The following CAPS2 variants were observed in gnomAD, a reference collection of about 807,000 sequenced individuals.
CAPS2 encodes calcyphosin-2.
A neutral mutation model predicts 86.5 loss-of-function variants in CAPS2; 98 were observed. The ratio of observed to expected loss-of-function variants is 1.13; its 90% CI spans 0.96 to 1.34. The LOEUF is 1.34. Among genes scored for constraint, CAPS2 ranks in the 40% most tolerant of loss-of-function variants. The pLI is 0.00. For synonymous variants in CAPS2, 210 were observed against 225.1 expected, an observed-to-expected ratio of 0.93 and a Z score of 0.60; for missense variants, 729 against 686.8, an observed-to-expected ratio of 1.06 and a Z score of -0.69.
downstream of CAPS2, chr12:75,276,436 C>T: frequency 1.0e-6 from 1 of 981,134 alleles, no homozygotes; most frequent in Non-Finnish European, 1.2e-6. Flanking sequence ...AAGATATGAT[C>T]TACAGCTGTA....
At chr12:75,371,854 G>A (rs1480102369) in intron 1 of CAPS2, among the ~76,000 whole-genome samples, 2 of 152,190 alleles carry the variant, frequency 1.3e-5, no homozygotes, top group East Asian at 1.9e-4. Flanking sequence ...TCTGCAACTG[G>A]TCACGTGGTT....
At chr12:75,358,717 TATATA>T (rs201071454) in intron 1 of CAPS2, among the ~76,000 whole-genome samples, 1,980 of 139,814 alleles carry the variant, frequency 0.014, 27 homozygotes, top group East Asian at 0.02. Flanking sequence ...TTAAACCATA[TATATA>T]ATATATTATA....
At chr12:75,339,825 C>T (rs1421409014) in intron 1 of CAPS2, among the ~76,000 whole-genome samples, 7 of 152,168 alleles carry the variant, frequency 4.6e-5, no homozygotes, top group South Asian at 2.1e-4. Context: ...GTTCTCCCAG[C>T]GGAAAAGTTA....
At chr12:75,343,604 T>G (rs2042258193) in intron 1 of CAPS2, 5 of 1,006,432 alleles carry the variant, frequency 5.0e-6, no homozygotes, top group African/African-American at 1.6e-5. Context: ...AATAATAAAT[T>G]TAAGCAAAAC....
intron 11 of CAPS2, among the ~76,000 whole-genome samples, chr12:75,296,333 C>G (rs907291466): frequency 1.3e-5 from 2 of 151,880 alleles, no homozygotes; most frequent in African/African-American, 4.8e-5. Context: ...GCTCTGTCAC[C>G]CAGGTTGGAG....
At chr12:75,300,512 C>G (rs1481915176) in intron 8 of CAPS2, among the ~76,000 whole-genome samples, 2 of 137,322 alleles carry the variant, frequency 1.5e-5, no homozygotes, top group Non-Finnish European at 3.1e-5. Flanking sequence ...GCCGAGATCG[C>G]GCCACTGCAC....
At chr12:75,361,091 G>A (rs2043553977) in intron 1 of CAPS2, 1 of 152,118 alleles carries the variant, frequency 6.6e-6, no homozygotes. Context: ...TGGCAGGAAG[G>A]GGATGGTTCC....
chr12:75,358,839 AT>A (rs2043342000), intron 1 of CAPS2, among the ~76,000 whole-genome samples: 1 of 144,154 alleles, frequency 6.9e-6, no homozygotes, highest in African/African-American at 2.5e-5. Flanking sequence ...ATATAACAAT[AT>A]ATAATATATT....
At chr12:75,289,670 G>T (rs1281844668) in exon 14 of CAPS2, 1 of 1,613,234 alleles carries the variant, frequency 6.2e-7, no homozygotes. Flanking sequence ...CTTAAAATCT[G>T]CCTTATCTAA....
intron 1 of CAPS2, among the ~76,000 whole-genome samples, chr12:75,339,586 T>C (rs541334387): frequency 6.6e-6 from 1 of 152,326 alleles, no homozygotes; most frequent in African/African-American, 2.4e-5. Context: ...ACAGAAGCTC[T>C]TTAATTAGAT....
chr12:75,305,858 G>A lies in CAPS2; in HGVS notation c.660-982C>T, dbSNP rs1024766211. 5.3e-5 allele frequency: 40 copies of A among 757,120 alleles called. No homozygotes were observed. In the East Asian group the frequency reaches 7.4e-4, roughly 14 times the overall value. The allele number at this position is 757,120 out of a possible 1,614,324, so 46.9% of individuals were successfully genotyped here. ...CAGCCTCATCCTCGCCCAGGTGTTC[G>A]GGATGCACCGCAGAGGCTGACCAGG... On this transcript the variant is annotated intron_variant, in intron 7 of 16. Coordinates refer to ENST00000393284, the Ensembl canonical transcript of CAPS2.
At chr12:75,351,874 T>A (rs887520123) in intron 1 of CAPS2, among the ~76,000 whole-genome samples, 8 of 152,004 alleles carry the variant, frequency 5.3e-5, no homozygotes, top group African/African-American at 1.7e-4. Flanking sequence ...AAGAAAAAAA[T>A]TTTCAGTCTA....
Position 75,323,071 on chromosome 12 carries a change from AT to A in CAPS2, c.193del (p.Ile65PhefsTer30). ...TGGCAGGTTTGCTGTACTAAGTGGA[AT>A]ATATGAAAAATTGTCCTAAAAAATA... On this transcript the variant is annotated frameshift_variant, in exon 4 of 17. Coordinates refer to ENST00000393284, the Ensembl canonical transcript of CAPS2. LOFTEE classifies it high-confidence loss of function. 6.5e-7 allele frequency: 1 copy of A among 1,548,216 alleles called. No homozygotes were observed. Among genetic ancestry groups the A allele is most frequent in the Non-Finnish European group, 8.7e-7 (1 of 1,144,050 alleles).
chr12:75,298,607 G>T, intron 11 of CAPS2, 80 bp downstream of exon 11: 1 of 1,006,030 alleles, frequency 9.9e-7, no homozygotes, highest in Non-Finnish European at 1.6e-6. Flanking sequence ...AAGACTAGAA[G>T]CCCTACTCCT....
At position 75,298,437 on chromosome 12, in the gene CAPS2, C is replaced by T. The variant is rs573650292; in HGVS notation, c.1044+250G>A. ...AAGATACAACTTCATCTGGAGACAA[C>T]CCATGTTGTGGAATGGGAAGGGGGG... On this transcript the variant is annotated intron_variant, in intron 11 of 16. Coordinates refer to ENST00000393284, the Ensembl canonical transcript of CAPS2. The T allele has an allele frequency of 1.5e-5, 7 of 462,680 alleles. No homozygotes were observed. The South Asian group carries it at 2.1e-4, about 14-fold the overall frequency. 28.7% of individuals were successfully genotyped at this position (462,680 alleles called of 1,614,324 possible).
At position 75,284,091 on chromosome 12, in the gene CAPS2, T is replaced by C. The variant is rs141774494; in HGVS notation, c.1515+870A>G. Among the ~76,000 whole-genome samples, 243 of 152,306 alleles carry C rather than the reference T, an allele frequency of 1.6e-3. 2 individuals are homozygous for C. The highest frequency in any genetic ancestry group is 5.7e-3 in the African/African-American group (236 of 41,574). On this transcript the variant is annotated intron_variant, in intron 15 of 16. Coordinates refer to ENST00000393284, the Ensembl canonical transcript of CAPS2. ...TTCTCTTGCCCTCTATTCCCATTAC[T>C]AAGATTTATGAAAGAGACAAGCCTC...
intron 16 of CAPS2, among the ~76,000 whole-genome samples, chr12:75,280,338 T>C (rs1244639733): frequency 6.6e-6 from 1 of 151,876 alleles, no homozygotes; most frequent in Non-Finnish European, 1.5e-5. Flanking sequence ...GGGTACTTTT[T>C]TTCTTCTTTG....
chr12:75,288,622 GC>G (rs1257742225), intron 14 of CAPS2, among the ~76,000 whole-genome samples: 1 of 152,196 alleles, frequency 6.6e-6, no homozygotes, highest in Non-Finnish European at 1.5e-5. Flanking sequence ...TGGTTCATAT[GC>G]TTTTAGAATA....
At chr12:75,335,776 T>C (rs2041691840) in intron 1 of CAPS2, among the ~76,000 whole-genome samples, 1 of 152,082 alleles carries the variant, frequency 6.6e-6, no homozygotes, top group Non-Finnish European at 1.5e-5. Flanking sequence ...TAATGCAGAA[T>C]TGTTAAGATA....
Sources: allele counts gnomAD v4.1 joint callset (sites outside exome capture counted in the v4.1 genomes callset), GRCh38; gene constraint gnomAD v4.1.1; transcripts MANE v1.5; gene names NCBI Gene and HGNC (gene_info 2026-07-23, HGNC 2026-07-21).